ZBED4: variants seen among roughly 807,000 people sequenced by gnomAD.
The protein encoded by ZBED4 is zinc finger BED-type containing 4.
ZBED4 carries 4 observed loss-of-function variants against 15.5 expected under a neutral mutation model. That is an observed-to-expected ratio of 0.26 (90% CI 0.13 to 0.59). ZBED4 has a LOEUF of 0.59. Ranked by LOEUF, ZBED4 falls within the 20% of genes least tolerant of loss-of-function variation. The pLI is 0.90. For missense variants in ZBED4, 1,323 were observed against 1,461.8 expected, an observed-to-expected ratio of 0.91 and a Z score of 1.55; for synonymous variants, 692 against 608.5, an observed-to-expected ratio of 1.14 and a Z score of -2.02.
chr22:49,873,735 C>A (rs2060360577), intron 1 of ZBED4, among the ~76,000 whole-genome samples: 1 of 152,184 alleles, frequency 6.6e-6, no homozygotes, highest in Admixed American at 6.5e-5. Context: ...CACCCCCACC[C>A]TGCAGCCCCA....
Position 49,886,799 on chromosome 22 carries a change from C to T in ZBED4, c.3137C>T (p.Ser1046Phe), listed in dbSNP as rs1157112651. ...TCTACCTCAGAGGACGTGGCTGCCT[C>T]CCACAGGTGTGATGCTGGCTCCCCG... ...MNSTSEDVAASHRCDAGSPSK... is the reference protein window; with the variant it reads ...MNSTSEDVAAFHRCDAGSPSK... The change falls in exon 2 of 2, where the codon TCC (serine) becomes TTC (phenylalanine). Residue 1046 changes from serine to phenylalanine, a missense_variant. By Grantham distance (155) the Ser-to-Phe change is radical. Coordinates refer to ENST00000216268, the MANE Select transcript of ZBED4 (RefSeq NM_014838.3). This position sits in a 1 kb window ranked among gnomAD's most constrained non-coding sequence, Gnocchi z 7.7. The T allele has an allele frequency of 6.2e-7, 1 of 1,612,992 alleles. No individual in the cohort carries two copies. The highest frequency in any genetic ancestry group is 8.5e-7 in the Non-Finnish European group (1 of 1,179,570).
chr22:49,881,912 A>G (rs535834267), intron 1 of ZBED4, among the ~76,000 whole-genome samples: 3 of 152,258 alleles, frequency 2.0e-5, no homozygotes, highest in Admixed American at 6.5e-5. Flanking sequence ...AAGAACCTGC[A>G]TTTATTTCTG....
At position 49,887,412 on chromosome 22, in the gene ZBED4, T is replaced by C. The variant is rs2060446297; in HGVS notation, c.*234T>C. On this transcript the variant is annotated 3_prime_UTR_variant, in exon 2 of 2. Coordinates refer to ENST00000216268, the MANE Select transcript of ZBED4 (RefSeq NM_014838.3). ...TAGAAATAGCTTGTCCTGTCAACTATGAAATATGGTGACTAGATTTTAATT... is the reference window on the plus strand; with the variant it reads ...TAGAAATAGCTTGTCCTGTCAACTACGAAATATGGTGACTAGATTTTAATT... 7.2e-6 allele frequency: 3 copies of C among 415,348 alleles called. No individual in the cohort carries two copies. The highest frequency in any genetic ancestry group is 1.3e-5 in the Non-Finnish European group (3 of 223,884). The allele number at this position is 415,348 out of a possible 1,614,324, so 25.7% of individuals were successfully genotyped here. A position where few individuals can be genotyped will look rare whatever the true frequency, so the allele number is the denominator to read the frequency against.
At chr22:49,861,137 A>G (rs2060295550) in intron 1 of ZBED4, among the ~76,000 whole-genome samples, 1 of 152,112 alleles carries the variant, frequency 6.6e-6, no homozygotes, top group South Asian at 2.1e-4. Context: ...CCCACAACTC[A>G]TTTCCCCTCC....
At chr22:49,855,275 G>A (rs1264967984) in intron 1 of ZBED4, among the ~76,000 whole-genome samples, 1 of 152,178 alleles carries the variant, frequency 6.6e-6, no homozygotes, top group Non-Finnish European at 1.5e-5. Flanking sequence ...TTGAGGTGAG[G>A]ACACAGTTAA....
Position 49,884,912 on chromosome 22 carries a change from C to T in ZBED4, c.1250C>T (p.Ser417Phe). Residue 417 changes from serine to phenylalanine, a missense_variant, in exon 2 of 2, where the codon TCC becomes TTC. Coordinates refer to ENST00000216268, the MANE Select transcript of ZBED4 (RefSeq NM_014838.3). ...GAAGACGTGGCGGCCTTCTCATCTT[C>T]CGATGACATAGGGGAGGCCTCGGCG... is the stretch of plus-strand genomic sequence containing the variant. ...LMEDVAAFSS[S>F]DDIGEASASS... 6.2e-7 allele frequency: 1 copy of T among 1,602,792 alleles called. No homozygotes were observed. Among genetic ancestry groups the T allele is most frequent in the Admixed American group, 1.7e-5 (1 of 59,080 alleles).
Position 49,884,315 on chromosome 22 carries a change from C to G in ZBED4, c.653C>G (p.Ser218Cys). 6.2e-7 allele frequency: 1 copy of G among 1,613,772 alleles called. No individual in the cohort carries two copies. Among genetic ancestry groups the G allele is most frequent in the Non-Finnish European group, 8.5e-7 (1 of 1,179,776 alleles). ...CAGAAAGTGGCGTCTAAGATCCCGT[C>G]CCCCGATCGAATAACAGAGGAGTCT... Reference protein sequence around the residue: ...LVQKVASKIPSPDRITEESVS... With the variant: ...LVQKVASKIPCPDRITEESVS... The change falls in exon 2 of 2, where the codon TCC becomes TGC. Residue 218 changes from serine (S) to cysteine (C), a missense_variant. Coordinates refer to ENST00000216268, the MANE Select transcript of ZBED4 (RefSeq NM_014838.3).
chr22:49,862,657 T>G (rs2060302380), intron 1 of ZBED4, among the ~76,000 whole-genome samples: 1 of 150,506 alleles, frequency 6.6e-6, no homozygotes, highest in African/African-American at 2.4e-5. Context: ...TTGTTTTGAC[T>G]GAACTGAGTA....
chr22:49,872,575 G>A (rs1215595913), intron 1 of ZBED4, among the ~76,000 whole-genome samples: 4 of 152,140 alleles, frequency 2.6e-5, no homozygotes, highest in Admixed American at 2.6e-4. Flanking sequence ...TGTCACCAAG[G>A]CTAAAGTGCA....
At chr22:49,861,426 G>A (rs1365392783) in intron 1 of ZBED4, among the ~76,000 whole-genome samples, 1 of 152,070 alleles carries the variant, frequency 6.6e-6, no homozygotes, top group African/African-American at 2.4e-5. Flanking sequence ...ACAGATGTGA[G>A]CCACCACACC....
chr22:49,865,220 G>T (rs58876234), intron 1 of ZBED4, among the ~76,000 whole-genome samples: 1 of 152,028 alleles, frequency 6.6e-6, no homozygotes, highest in Non-Finnish European at 1.5e-5. Flanking sequence ...TTGTAACACC[G>T]TGGCAAGTAT....
rs1203677849 is a variant in ZBED4 at position 49,887,243 on chromosome 22, C to G, written c.*65C>G. ...CCAGCGTTAGCAGCCTGTACCAGGTCTATGACCCGCTCTGCCCACGGCTGT... is the reference window on the plus strand; with the variant it reads ...CCAGCGTTAGCAGCCTGTACCAGGTGTATGACCCGCTCTGCCCACGGCTGT... On this transcript the variant is annotated 3_prime_UTR_variant, in exon 2 of 2. Coordinates refer to ENST00000216268, the MANE Select transcript of ZBED4 (RefSeq NM_014838.3). 2.6e-6 allele frequency: 4 copies of G among 1,510,762 alleles called. No individual in the cohort carries two copies. The highest frequency in any genetic ancestry group is 2.7e-6 in the Non-Finnish European group (3 of 1,115,442). 93.6% of individuals were successfully genotyped at this position (1,510,762 alleles called of 1,614,324 possible). A position where few individuals can be genotyped will look rare whatever the true frequency, so the allele number is the denominator to read the frequency against.
chr22:49,857,260 G>T (rs548169347), intron 1 of ZBED4, among the ~76,000 whole-genome samples: 47 of 152,244 alleles, frequency 3.1e-4, no homozygotes, highest in Non-Finnish European at 6.5e-4. Context: ...GCAGCGTTCA[G>T]CCATAGCTGC....
intron 1 of ZBED4, among the ~76,000 whole-genome samples, chr22:49,877,688 C>T (rs2060384765): frequency 6.6e-6 from 1 of 152,114 alleles, no homozygotes; most frequent in East Asian, 1.9e-4. Flanking sequence ...ATATAGTATG[C>T]CTAAACAGCT....
rs1175291560 is a variant in ZBED4 at position 49,884,200 on chromosome 22, T to C, written c.538T>C (p.Ser180Pro). ...IQENGSVSAV[S>P]SFPSPSLLLP... The stretch of plus-strand genomic sequence containing the variant: ...GGAAAATGGCAGTGTGTCTGCCGTG[T>C]CCTCGTTCCCCTCTCCCTCACTCCT... The change falls in exon 2 of 2, where the codon TCC becomes CCC. Residue 180 changes from serine to proline, a missense_variant. By Grantham distance (74) the Ser-to-Pro change is moderately conservative (BLOSUM62 -1). Around this residue, in one of 6 missense-constraint regions of ZBED4, gnomAD observed 380 missense variants for 413.7 expected, o/e 0.92. Coordinates refer to ENST00000216268, the MANE Select transcript of ZBED4 (RefSeq NM_014838.3). 6.2e-7 allele frequency: 1 copy of C among 1,607,258 alleles called. No individual in the cohort carries two copies. Among genetic ancestry groups the C allele is most frequent in the Non-Finnish European group, 8.5e-7 (1 of 1,175,836 alleles).
In ZBED4 at chr22:49,883,849, G is replaced by T; in HGVS notation, c.187G>T (p.Gly63Trp). The T allele has an allele frequency of 6.2e-7, 1 of 1,609,362 alleles. No individual in the cohort carries two copies. The highest frequency in any genetic ancestry group is 8.5e-7 in the Non-Finnish European group (1 of 1,176,312). The part of the protein sequence containing the change: ...DSGGERAGLG[G>W]TGCSCKPPGK... Reference sequence around the variant, plus strand: ...CGGTGGGGAGCGAGCGGGCCTCGGTGGGACGGGTTGCAGCTGCAAGCCCCC... The same window carrying T: ...CGGTGGGGAGCGAGCGGGCCTCGGTTGGACGGGTTGCAGCTGCAAGCCCCC... Residue 63 changes from glycine (G) to tryptophan (W), a missense_variant, in exon 2 of 2, where the codon GGG (glycine) becomes TGG (tryptophan). Gly to Trp is a radical substitution (Grantham distance 184). Transcript: ENST00000216268.
At chr22:49,871,606 C>A (rs2060348017) in intron 1 of ZBED4, among the ~76,000 whole-genome samples, 1 of 152,132 alleles carries the variant, frequency 6.6e-6, no homozygotes, top group Non-Finnish European at 1.5e-5. Context: ...TGCCAACAGT[C>A]ATCTGAGCCT....
At position 49,888,463 on chromosome 22, in the gene ZBED4, C is replaced by T. The variant is rs971288939; in HGVS notation, c.*1285C>T. The T allele has an allele frequency of 6.0e-6, 1 of 167,238 alleles. No individual in the cohort carries two copies. The highest frequency in any genetic ancestry group is 2.4e-5 in the African/African-American group (1 of 41,466). The allele number at this position is 167,238 out of a possible 1,614,324, so 10.4% of individuals were successfully genotyped here. On this transcript the variant is annotated 3_prime_UTR_variant, in exon 2 of 2. Transcript: ENST00000216268. ...ATTTTCTAGTGCTGGCAGACACTGG[C>T]TTTTTATTTTTAGGATAAGAAAACA...
chr22:49,880,452 G>C (rs1398430985), intron 1 of ZBED4, among the ~76,000 whole-genome samples: 2 of 152,180 alleles, frequency 1.3e-5, no homozygotes, highest in Admixed American at 6.5e-5. Flanking sequence ...CCGACTCCCC[G>C]CCCCGCAGCC....
Sources: gnomAD v4.1 joint callset for allele counts (sites outside exome capture counted in the v4.1 genomes callset) on GRCh38, gnomAD v4.1.1 for gene constraint, gnomAD v4.1.1 regional missense constraint, Gnocchi (gnomAD v3.1) non-coding constraint, MANE v1.5 for transcripts, NCBI Gene and HGNC (gene_info 2026-07-23, HGNC 2026-07-21) for gene names.